Variants in HPCAL1 observed in about 807,000 individuals in gnomAD.
HPCAL1 encodes the protein hippocalcin like 1, also known as hippocalcin-like protein 1.
A neutral mutation model predicts 17.1 loss-of-function variants in HPCAL1; 8 were observed. That is an observed-to-expected ratio of 0.47 (90% CI 0.27 to 0.84). The LOEUF is 0.84. HPCAL1 is among the 40% of genes least tolerant of loss of function. HPCAL1 has a pLI of 0.13. For missense variants in HPCAL1, 165 were observed against 271.1 expected, an observed-to-expected ratio of 0.61 and a Z score of 2.75; for synonymous variants, 112 against 111.4, an observed-to-expected ratio of 1.01 and a Z score of -0.03.
intron 1 of HPCAL1, among the ~76,000 whole-genome samples, chr2:10,372,304 GC>G (rs60618438): frequency 0.31 from 46,928 of 152,034 alleles, 8,112 homozygotes; most frequent in Non-Finnish European, 0.4. Context: ...CCCCATGGGG[GC>G]CCCACTGGAG....
intron 1 of HPCAL1, among the ~76,000 whole-genome samples, chr2:10,370,263 G>A (rs1022463909): frequency 6.6e-6 from 1 of 152,232 alleles, no homozygotes; most frequent in African/African-American, 2.4e-5. Context: ...TGGAGCAGGT[G>A]GGACACCTGT....
chr2:10,308,125 G>A (rs965946955), intron 1 of HPCAL1, among the ~76,000 whole-genome samples: 6 of 152,114 alleles, frequency 3.9e-5, no homozygotes, highest in Non-Finnish European at 7.4e-5. Flanking sequence ...CCCTGGAGAA[G>A]CACCCTCTAA....
At chr2:10,398,751 G>A (rs1669227908) in intron 2 of HPCAL1, among the ~76,000 whole-genome samples, 1 of 152,170 alleles carries the variant, frequency 6.6e-6, no homozygotes, top group African/African-American at 2.4e-5. Context: ...TGAGGGAGGC[G>A]ATTTCTCCTT....
intron 1 of HPCAL1, among the ~76,000 whole-genome samples, chr2:10,315,682 C>A (rs1244017577): frequency 6.6e-6 from 1 of 152,174 alleles, no homozygotes; most frequent in African/African-American, 2.4e-5. Flanking sequence ...TGAAATTCAA[C>A]ACTGAGCAAA....
At chr2:10,379,691 G>T (rs1463865342) in intron 1 of HPCAL1, among the ~76,000 whole-genome samples, 1 of 152,170 alleles carries the variant, frequency 6.6e-6, no homozygotes, top group African/African-American at 2.4e-5. Context: ...TGCAAAACTG[G>T]AATGCTATTA....
intron 2 of HPCAL1, among the ~76,000 whole-genome samples, chr2:10,414,874 C>T (rs115358839): frequency 0.017 from 2,641 of 152,326 alleles, 84 homozygotes; most frequent in African/African-American, 0.061. Context: ...TGCACGTGCG[C>T]TGCTGCTGTT....
At chr2:10,308,528 T>C (rs1662764766) in intron 1 of HPCAL1, among the ~76,000 whole-genome samples, 1 of 152,214 alleles carries the variant, frequency 6.6e-6, no homozygotes, top group African/African-American at 2.4e-5. Flanking sequence ...GCCCAAGAGC[T>C]GTTTCATTTG....
intron 1 of HPCAL1, among the ~76,000 whole-genome samples, chr2:10,317,112 C>T (rs1408761278): frequency 1.3e-5 from 2 of 152,146 alleles, no homozygotes; most frequent in African/African-American, 4.8e-5. Flanking sequence ...TCCCAGTTGT[C>T]CTGGAAAAGA....
Position 10,377,278 on chromosome 2 carries a change from A to G in HPCAL1, c.-110-19557A>G, listed in dbSNP as rs1424398381. Among the ~76,000 whole-genome samples the G allele has an allele frequency of 2.0e-5, 3 of 152,196 alleles. No individual in the cohort carries two copies. Among genetic ancestry groups the G allele is most frequent in the African/African-American group, 4.8e-5 (2 of 41,452 alleles). On this transcript the variant is annotated intron_variant, in intron 1 of 4. Coordinates refer to ENST00000307845, the MANE Select transcript of HPCAL1 (RefSeq NM_002149.4). This position sits in a 1 kb window ranked among gnomAD's most constrained non-coding sequence, Gnocchi z 5.9. ...GTGGAAGGCGGCTGAGTGGAGCCGCAGCAAATGCAACCCTGCCCCCGAGCC... is the reference window on the plus strand; with the variant it reads ...GTGGAAGGCGGCTGAGTGGAGCCGCGGCAAATGCAACCCTGCCCCCGAGCC...
rs11695207 is a variant in HPCAL1 at position 10,362,743 on chromosome 2, C to T, written c.-110-34092C>T. 0.2 allele frequency among the ~76,000 whole-genome samples: 30,851 copies of T among 152,184 alleles called. 4,371 individuals are homozygous for T. The highest frequency in any genetic ancestry group is 0.53 in the East Asian group (2,757 of 5,154). On this transcript the variant is annotated intron_variant, in intron 1 of 4. Transcript: ENST00000307845. This position sits in a 1 kb window ranked among gnomAD's most constrained non-coding sequence, Gnocchi z 5.0. The stretch of plus-strand genomic sequence containing the variant: ...AGAGGGGCTCTCCTGGCACCTTCCC[C>T]AGCCCAGACGCTGAGGAGGGCAGCC...
intron 1 of HPCAL1, among the ~76,000 whole-genome samples, chr2:10,388,400 T>C (rs1211429642): frequency 6.6e-6 from 1 of 152,196 alleles, no homozygotes; most frequent in Non-Finnish European, 1.5e-5. Context: ...TCCAGAATTC[T>C]GTTAGTGAGC....
At chr2:10,327,803 T>G (rs1387601021) in intron 1 of HPCAL1, among the ~76,000 whole-genome samples, 1 of 152,206 alleles carries the variant, frequency 6.6e-6, no homozygotes, top group East Asian at 1.9e-4. Flanking sequence ...AGAGCCAAAC[T>G]GTAGGGGACT....
intron 1 of HPCAL1, among the ~76,000 whole-genome samples, chr2:10,309,895 G>A (rs1662846082): frequency 6.6e-6 from 1 of 152,218 alleles, no homozygotes; most frequent in Non-Finnish European, 1.5e-5. Context: ...TCCCATGGTT[G>A]TAGAGAACTC....
intron 1 of HPCAL1, among the ~76,000 whole-genome samples, chr2:10,318,177 G>C (rs1663438129): frequency 6.6e-6 from 1 of 152,088 alleles, no homozygotes; most frequent in South Asian, 2.1e-4. Flanking sequence ...CCTAGGACTT[G>C]TCAAATATTG....
chr2:10,387,594 C>A (rs143430062), intron 1 of HPCAL1, among the ~76,000 whole-genome samples: 1 of 152,196 alleles, frequency 6.6e-6, no homozygotes, highest in African/African-American at 2.4e-5. Context: ...CTTGCTCTTC[C>A]GGTATCATTA....
chr2:10,324,862 AC>A (rs1663903302), intron 1 of HPCAL1, among the ~76,000 whole-genome samples: 1 of 114,168 alleles, frequency 8.8e-6, no homozygotes, highest in African/African-American at 3.5e-5. Context: ...TCGCTCTGTC[AC>A]CCAGGCTGGA....
intron 1 of HPCAL1, among the ~76,000 whole-genome samples, chr2:10,347,206 C>T (rs1039156320): frequency 1.3e-5 from 2 of 152,032 alleles, no homozygotes; most frequent in Admixed American, 6.6e-5. Context: ...ATACGGTGGG[C>T]GCCTGTTCTT....
chr2:10,334,662 C>CT (rs1664601391), intron 1 of HPCAL1, among the ~76,000 whole-genome samples: 2 of 151,674 alleles, frequency 1.3e-5, no homozygotes, highest in Non-Finnish European at 2.9e-5. Flanking sequence ...CTTTTTTCTC[C>CT]TTTTTGTTAA....
Position 10,396,927 on chromosome 2 carries a change from C to G in HPCAL1, c.-25+7C>G, listed in dbSNP as rs1669081958. The G allele has an allele frequency of 6.6e-6, 1 of 152,348 alleles. No individual in the cohort carries two copies. The highest frequency in any genetic ancestry group is 1.5e-5 in the Non-Finnish European group (1 of 68,134). 9.4% of individuals were successfully genotyped at this position (152,348 alleles called of 1,614,324 possible). A position where few individuals can be genotyped will look rare whatever the true frequency, so the allele number is the denominator to read the frequency against. ...AGCCTCCGCCTGGTCTCTGGTAAGT[C>G]ACTCCCAGAGGCCGACTGGCTCAGG... On this transcript the variant is annotated splice_region_variant and intron_variant, in intron 2 of 4. Coordinates refer to ENST00000307845, the MANE Select transcript of HPCAL1 (RefSeq NM_002149.4).
Sources: allele counts gnomAD v4.1 joint callset (sites outside exome capture counted in the v4.1 genomes callset), GRCh38; gene constraint gnomAD v4.1.1; non-coding constraint Gnocchi (gnomAD v3.1); transcripts MANE v1.5; gene names NCBI Gene and HGNC (gene_info 2026-07-23, HGNC 2026-07-21).